PALM2AKAP2: variants seen among roughly 807,000 people sequenced by gnomAD.
PALM2AKAP2 encodes PALM2 and AKAP2 fusion.
PALM2AKAP2 carries 37 observed loss-of-function variants against 71.5 expected under a neutral mutation model. The observed-to-expected ratio is 0.52, with a 90% confidence interval of 0.40 to 0.68. The LOEUF (loss-of-function observed/expected upper bound fraction) is 0.68, where lower values mean the gene tolerates loss of function less well. PALM2AKAP2 is among the 30% of genes least tolerant of loss of function. The probability of loss-of-function intolerance (pLI) is 0.00; values close to 1 mark genes in which losing one functional copy is unlikely to be tolerated. For missense variants in PALM2AKAP2, 1,224 were observed against 1,191.8 expected, an observed-to-expected ratio of 1.03 and a Z score of -0.40; for synonymous variants, 468 against 478.8, an observed-to-expected ratio of 0.98 and a Z score of 0.29.
intron 6 of PALM2AKAP2, among the ~76,000 whole-genome samples, chr9:110,001,977 T>C (rs1287841568): frequency 6.6e-6 from 1 of 152,174 alleles, no homozygotes; most frequent in Non-Finnish European, 1.5e-5. Context: ...CAATTTGACT[T>C]CCTCTTTTCC....
intron 1 of PALM2AKAP2, among the ~76,000 whole-genome samples, chr9:109,850,949 G>A (rs571027618): frequency 3.9e-5 from 6 of 152,044 alleles, no homozygotes; most frequent in South Asian, 2.1e-4. Context: ...AGGCCGAGGC[G>A]GGCGGATCAC....
At chr9:109,688,975 G>A (rs1827841023) in intron 1 of PALM2AKAP2, among the ~76,000 whole-genome samples, 2 of 152,128 alleles carry the variant, frequency 1.3e-5, no homozygotes, top group South Asian at 4.2e-4. Flanking sequence ...CGTCATCTGG[G>A]AAAGATCCTG....
chr9:110,088,703 GTTT>G lies in PALM2AKAP2; in HGVS notation c.156+39878_156+39880del, dbSNP rs71373964. On this transcript the variant is annotated intron_variant, in intron 1 of 3. Transcript: ENST00000374525. ...TAGCTATTAAAGTTTGCATTTACGT[GTTT>G]TTTTTTTTTTTTTTTTTTTTTTTTT... 2.4e-4 allele frequency among the ~76,000 whole-genome samples: 18 copies of G among 75,614 alleles called. No individual in the cohort carries two copies. In the South Asian group the frequency reaches 2.4e-3, roughly 10 times the overall value. The allele number at this position is 75,614 out of a possible 152,430, so 49.6% of individuals were successfully genotyped here.
At chr9:109,765,178 C>T (rs1829129125) in intron 1 of PALM2AKAP2, among the ~76,000 whole-genome samples, 1 of 152,168 alleles carries the variant, frequency 6.6e-6, no homozygotes, top group Non-Finnish European at 1.5e-5. Context: ...AATGTGGACA[C>T]CTAAGCTCCA....
intron 7 of PALM2AKAP2, among the ~76,000 whole-genome samples, chr9:110,019,795 G>T (rs1179386354): frequency 1.3e-5 from 2 of 152,100 alleles, no homozygotes; most frequent in African/African-American, 2.4e-5. Flanking sequence ...AAAAGAAGGG[G>T]CAATAGAGAA....
chr9:110,009,808 C>T (rs73657318), intron 6 of PALM2AKAP2, among the ~76,000 whole-genome samples: 63 of 152,282 alleles, frequency 4.1e-4, no homozygotes, highest in African/African-American at 1.4e-3. Context: ...AAATCCCTCT[C>T]CCTGCAGATC....
chr9:109,954,539 G>A (rs1588031130), intron 6 of PALM2AKAP2, among the ~76,000 whole-genome samples: 1 of 150,674 alleles, frequency 6.6e-6, no homozygotes, highest in Non-Finnish European at 1.5e-5. Flanking sequence ...GGATAGCATT[G>A]GGAGATATAC....
intron 1 of PALM2AKAP2, among the ~76,000 whole-genome samples, chr9:109,858,581 C>T (rs1332254354): frequency 2.0e-5 from 3 of 152,054 alleles, no homozygotes; most frequent in East Asian, 1.9e-4. Context: ...ACTCTGCTCA[C>T]GAGACTTCAT....
chr9:109,969,088 G>GCATACA (rs1554731282), intron 6 of PALM2AKAP2, among the ~76,000 whole-genome samples: 13 of 149,704 alleles, frequency 8.7e-5, no homozygotes, highest in African/African-American at 3.2e-4. Context: ...AAATGTGCGT[G>GCATACA]CACACACACA....
chr9:109,809,139 C>T (rs1165026411), intron 1 of PALM2AKAP2, among the ~76,000 whole-genome samples: 1 of 152,220 alleles, frequency 6.6e-6, no homozygotes, highest in Non-Finnish European at 1.5e-5. Flanking sequence ...CCCACTAGGG[C>T]ACTGCCTAGT....
intron 6 of PALM2AKAP2, among the ~76,000 whole-genome samples, chr9:110,011,010 A>ATAT (rs1417017283): frequency 4.8e-4 from 43 of 88,950 alleles, no homozygotes; most frequent in East Asian, 2.3e-3. Flanking sequence ...AAAAAAAAAA[A>ATAT]AAAAATATAT....
chr9:109,931,834 A>G, intron 5 of PALM2AKAP2, 93 bp from the exon 6 acceptor site: 1 of 1,418,432 alleles, frequency 7.1e-7, no homozygotes, highest in Non-Finnish European at 9.8e-7. Flanking sequence ...TCAGCGGTCC[A>G]TTATGTAGGG....
chr9:109,989,982 A>G (rs1474730112), intron 6 of PALM2AKAP2, among the ~76,000 whole-genome samples: 1 of 152,150 alleles, frequency 6.6e-6, no homozygotes, highest in Non-Finnish European at 1.5e-5. Flanking sequence ...TTATATCCAG[A>G]ATGGAAATAA....
At chr9:110,136,373 G>C in exon 2 of PALM2AKAP2, 3 of 1,614,196 alleles carry the variant, frequency 1.9e-6, no homozygotes, top group Non-Finnish European at 2.5e-6. Flanking sequence ...CGAATCCCTG[G>C]ATAATGATGT....
chr9:110,143,469 A>T (rs1351365751), intron 2 of PALM2AKAP2, among the ~76,000 whole-genome samples: 2 of 151,406 alleles, frequency 1.3e-5, no homozygotes, highest in Non-Finnish European at 2.9e-5. Context: ...CTTTGCAGGT[A>T]CATGAGCCTG....
chr9:109,948,627 A>G, intron 6 of PALM2AKAP2, among the ~76,000 whole-genome samples: 1 of 152,124 alleles, frequency 6.6e-6, no homozygotes, highest in Admixed American at 6.5e-5. Flanking sequence ...TTCTCCTCAT[A>G]TTGCCTCTTC....
chr9:110,151,062 C>G (rs1380012813), intron 2 of PALM2AKAP2, among the ~76,000 whole-genome samples: 1 of 152,156 alleles, frequency 6.6e-6, no homozygotes, highest in Non-Finnish European at 1.5e-5. Flanking sequence ...GAGCTGTGTG[C>G]CCATACTTAC....
At chr9:109,672,085 T>C (rs1224003884) in intron 1 of PALM2AKAP2, among the ~76,000 whole-genome samples, 3 of 152,190 alleles carry the variant, frequency 2.0e-5, no homozygotes, top group Non-Finnish European at 4.4e-5. Context: ...CCTATATGGA[T>C]GCTCTTTATT....
intron 1 of PALM2AKAP2, among the ~76,000 whole-genome samples, chr9:109,673,310 T>C (rs1236085720): frequency 6.6e-6 from 1 of 152,160 alleles, no homozygotes; most frequent in Non-Finnish European, 1.5e-5. Context: ...GTTGTATCTT[T>C]GTTCCCGTTA....
Sources: gnomAD v4.1 joint callset for allele counts (sites outside exome capture counted in the v4.1 genomes callset) on GRCh38, gnomAD v4.1.1 for gene constraint, MANE v1.5 for transcripts, NCBI Gene and HGNC (gene_info 2026-07-23, HGNC 2026-07-21) for gene names.